The following DMD variants were observed in gnomAD, a reference collection of about 807,000 sequenced individuals.
DMD encodes the protein mutant dystrophin.
A neutral mutation model predicts 330.1 loss-of-function variants in DMD; 63 were observed. The ratio of observed to expected loss-of-function variants is 0.19; its 90% CI spans 0.16 to 0.24. The LOEUF is 0.24. DMD is among the 10% of genes least tolerant of loss of function. The probability of loss-of-function intolerance (pLI) is 1.00; values close to 1 mark genes in which losing one functional copy is unlikely to be tolerated. For missense variants in DMD, 3,344 were observed against 2,684.1 expected (o/e 1.25, Z -5.43); for synonymous variants, 1,223 against 959.8 (o/e 1.27, Z -5.07).
At chrX:31,557,111 A>C (rs932043858) in intron 55 of DMD, among the ~76,000 whole-genome samples, 1 of 112,337 alleles carries the variant, frequency 8.9e-6, no homozygotes, top group African/African-American at 3.2e-5. Flanking sequence ...GGTTTGAAGA[A>C]AGGAGAAACA....
At chrX:32,333,315 A>C (rs1334394458) in intron 41 of DMD, among the ~76,000 whole-genome samples, 1 of 111,507 alleles carries the variant, frequency 9.0e-6, no homozygotes, top group Non-Finnish European at 1.9e-5. Context: ...TGTGTGTCTG[A>C]AAAGATCTTT....
At chrX:32,292,302 C>CTTTTTTTTTT (rs10652780) in intron 42 of DMD, among the ~76,000 whole-genome samples, 8 of 62,924 alleles carry the variant, frequency 1.3e-4, no homozygotes, top group East Asian at 6.8e-4. Flanking sequence ...AGGGAATATT[C>CTTTTTTTTTT]TTTTTTTTTT....
At chrX:31,245,939 G>C (rs7890044) in intron 63 of DMD, among the ~76,000 whole-genome samples, 26,860 of 110,770 alleles carry the variant, frequency 0.24, 2,537 homozygotes, top group East Asian at 0.47. Flanking sequence ...CCATACCTCT[G>C]TCACTTTACA....
intron 30 of DMD, among the ~76,000 whole-genome samples, chrX:32,392,344 C>T (rs1261699164): frequency 1.8e-5 from 2 of 111,661 alleles, no homozygotes; most frequent in Non-Finnish European, 1.9e-5. Context: ...CTGCAACCTC[C>T]GCCTCCCAGG....
intron 1 of DMD, among the ~76,000 whole-genome samples, chrX:33,036,809 G>GTATATA (rs150933084): frequency 0.029 from 3,107 of 105,817 alleles, 104 homozygotes; most frequent in African/African-American, 0.099. Flanking sequence ...GCATGTGTGT[G>GTATATA]TATATATATA....
chrX:33,209,046 G>C (rs2051743534), intron 1 of DMD, among the ~76,000 whole-genome samples: 1 of 111,282 alleles, frequency 9.0e-6, no homozygotes, highest in South Asian at 3.7e-4. Flanking sequence ...GAATAAAGAG[G>C]AAGCTGTATT....
intron 1 of DMD, among the ~76,000 whole-genome samples, chrX:33,204,750 T>C (rs1213381265): frequency 8.9e-6 from 1 of 112,277 alleles, no homozygotes; most frequent in Non-Finnish European, 1.9e-5. Context: ...AATCAATAAA[T>C]GGATAACAAA....
At chrX:31,947,643 A>G (rs1174481571) in intron 45 of DMD, among the ~76,000 whole-genome samples, 1 of 111,759 alleles carries the variant, frequency 8.9e-6, no homozygotes, top group Non-Finnish European at 1.9e-5. Context: ...CATTAATTGA[A>G]AATGTACTTT....
upstream of DMD, among the ~76,000 whole-genome samples, chrX:33,214,386 T>C (rs1452864920): frequency 8.9e-6 from 1 of 111,814 alleles, no homozygotes; most frequent in Non-Finnish European, 1.9e-5. Flanking sequence ...GGAATTGCAT[T>C]AAAATTATGA....
At chrX:32,725,797 A>G (rs755294147) in intron 7 of DMD, among the ~76,000 whole-genome samples, 4 of 111,047 alleles carry the variant, frequency 3.6e-5, no homozygotes, top group Non-Finnish European at 7.6e-5. Flanking sequence ...ACTATACTCA[A>G]TAATTTAACT....
At chrX:32,269,673 G>A (rs1397907437) in intron 43 of DMD, among the ~76,000 whole-genome samples, 11 of 111,356 alleles carry the variant, frequency 9.9e-5, no homozygotes, top group African/African-American at 3.6e-4. Context: ...GGGTTCAAAG[G>A]ACAAGCTTTT....
At chrX:32,205,930 A>C (rs1262537709) in intron 44 of DMD, 6 of 377,156 alleles carry the variant, frequency 1.6e-5, no homozygotes, top group Non-Finnish European at 2.4e-5. Flanking sequence ...CTGAGGCCCC[A>C]AAACTATCTT....
chrX:33,127,198 C>T (rs2148517121), intron 1 of DMD, among the ~76,000 whole-genome samples: 1 of 110,144 alleles, frequency 9.1e-6, no homozygotes, highest in Non-Finnish European at 1.9e-5. Flanking sequence ...TAGCTGTCTT[C>T]CTAAAGATAG....
At chrX:32,161,764 G>A (rs914634394) in intron 44 of DMD, among the ~76,000 whole-genome samples, 1 of 111,895 alleles carries the variant, frequency 8.9e-6, no homozygotes, top group Admixed American at 9.5e-5. Context: ...GGTATGTGAA[G>A]TGTGTGAAAA....
chrX:32,352,242 T>A (rs1040328419), intron 37 of DMD, among the ~76,000 whole-genome samples: 3 of 110,611 alleles, frequency 2.7e-5, no homozygotes, highest in African/African-American at 9.8e-5. Context: ...ACACAGACAT[T>A]TTCTTAAAAT....
At chrX:32,479,690 T>C (rs900603002) in intron 21 of DMD, among the ~76,000 whole-genome samples, 2 of 109,663 alleles carry the variant, frequency 1.8e-5, no homozygotes, top group Non-Finnish European at 3.8e-5. Context: ...TTTATCACTA[T>C]ATATATATGT....
At chrX:32,426,211 G>A (rs1236426707) in intron 29 of DMD, among the ~76,000 whole-genome samples, 1 of 111,716 alleles carries the variant, frequency 9.0e-6, no homozygotes, top group Non-Finnish European at 1.9e-5. Flanking sequence ...TACAGAACGG[G>A]AGAAATATTT....
intron 41 of DMD, among the ~76,000 whole-genome samples, chrX:32,314,661 C>A (rs2097576763): frequency 9.0e-6 from 1 of 111,296 alleles, no homozygotes. Flanking sequence ...GGGCTATTAT[C>A]CAGAATCTAT....
intron 43 of DMD, among the ~76,000 whole-genome samples, chrX:32,260,516 T>G (rs2097317488): frequency 8.9e-6 from 1 of 111,780 alleles, no homozygotes; most frequent in African/African-American, 3.3e-5. Context: ...TAGTGCTCTG[T>G]AAACTCTATA....
Sources: gnomAD v4.1 joint callset for allele counts (sites outside exome capture counted in the v4.1 genomes callset) on GRCh38, gnomAD v4.1.1 for gene constraint, MANE v1.5 for transcripts, NCBI Gene and HGNC (gene_info 2026-07-23, HGNC 2026-07-21) for gene names.